GPC6: variants seen among roughly 807,000 people sequenced by gnomAD.
GPC6 encodes glypican 6, also known as glypican-6.
A neutral mutation model predicts 55.2 loss-of-function variants in GPC6; 14 were observed. The ratio of observed to expected loss-of-function variants is 0.25; its 90% CI spans 0.17 to 0.40. The LOEUF is 0.40. Ranked by LOEUF, GPC6 falls within the 10% of genes least tolerant of loss-of-function variation. GPC6 has a pLI of 1.00. For synonymous variants in GPC6, 278 were observed against 259.6 expected (o/e 1.07, Z -0.68); for missense variants, 641 against 708.5 (o/e 0.90, Z 1.08).
chr13:94,237,855 G>T (rs1240568094), intron 4 of GPC6, among the ~76,000 whole-genome samples: 1 of 152,146 alleles, frequency 6.6e-6, no homozygotes. Flanking sequence ...TTCTAAAATA[G>T]CAGTCTAGAT....
At chr13:94,043,026 G>A (rs754493726) in intron 4 of GPC6, among the ~76,000 whole-genome samples, 5 of 151,830 alleles carry the variant, frequency 3.3e-5, no homozygotes, top group Non-Finnish European at 7.4e-5. Context: ...AATTGTTCCA[G>A]GTTTGTACAT....
At chr13:94,129,841 G>A (rs1279899271) in intron 4 of GPC6, among the ~76,000 whole-genome samples, 2 of 152,020 alleles carry the variant, frequency 1.3e-5, no homozygotes, top group Non-Finnish European at 2.9e-5. Context: ...TTGACTCAAA[G>A]GCCACATAAG....
At chr13:93,282,023 A>G (rs1877968303) in intron 1 of GPC6, among the ~76,000 whole-genome samples, 2 of 152,208 alleles carry the variant, frequency 1.3e-5, no homozygotes, top group African/African-American at 4.8e-5. Context: ...ATTCTTTTAT[A>G]TGTGTACTGA....
chr13:93,797,157 G>T (rs775570990), intron 2 of GPC6, among the ~76,000 whole-genome samples: 54 of 99,730 alleles, frequency 5.4e-4, no homozygotes, highest in Non-Finnish European at 9.4e-4. Context: ...TCATTTAATA[G>T]AGAGGTAGAA....
chr13:94,112,679 T>C (rs1886292635), intron 4 of GPC6, among the ~76,000 whole-genome samples: 1 of 152,194 alleles, frequency 6.6e-6, no homozygotes, highest in Non-Finnish European at 1.5e-5. Context: ...TAAGCATCAG[T>C]GCTATCTTAA....
intron 4 of GPC6, among the ~76,000 whole-genome samples, chr13:94,208,664 G>T (rs1199870976): frequency 6.9e-6 from 1 of 144,102 alleles, no homozygotes. Flanking sequence ...GCTCCCACCT[G>T]TAATCCCAAC....
chr13:93,465,454 C>A (rs899483153), intron 1 of GPC6, among the ~76,000 whole-genome samples: 1 of 152,206 alleles, frequency 6.6e-6, no homozygotes, highest in African/African-American at 2.4e-5. Context: ...TGCTGCTTCA[C>A]CTTGCACTTT....
chr13:93,580,224 C>A (rs1305576062), intron 2 of GPC6, among the ~76,000 whole-genome samples: 3 of 152,144 alleles, frequency 2.0e-5, no homozygotes, highest in Non-Finnish European at 4.4e-5. Context: ...CAAAATAACT[C>A]TCTTGGGGTC....
intron 4 of GPC6, among the ~76,000 whole-genome samples, chr13:94,035,805 G>GAT (rs1424220334): frequency 1.3e-5 from 2 of 151,622 alleles, no homozygotes; most frequent in South Asian, 2.1e-4. Context: ...TGTGTGTGTG[G>GAT]ATATATATAT....
intron 1 of GPC6, among the ~76,000 whole-genome samples, chr13:93,473,832 C>T (rs9524080): frequency 0.33 from 50,763 of 151,970 alleles, 8,935 homozygotes; most frequent in East Asian, 0.61. Context: ...GACACAGGGC[C>T]GAATCCCAAG....
At chr13:93,300,914 G>A (rs963070348) in intron 1 of GPC6, among the ~76,000 whole-genome samples, 13 of 152,180 alleles carry the variant, frequency 8.5e-5, no homozygotes, top group African/African-American at 3.1e-4. Flanking sequence ...AGCTACTTGG[G>A]AGGCTGAGGT....
intron 2 of GPC6, among the ~76,000 whole-genome samples, chr13:93,744,322 C>G (rs528783194): frequency 2.0e-5 from 3 of 152,220 alleles, no homozygotes; most frequent in South Asian, 4.1e-4. Context: ...AAGCTCGTCT[C>G]TACCCATGAA....
intron 2 of GPC6, among the ~76,000 whole-genome samples, chr13:93,755,458 T>G (rs972698383): frequency 2.6e-5 from 4 of 152,168 alleles, no homozygotes; most frequent in African/African-American, 9.7e-5. Flanking sequence ...ATTTTAGAGC[T>G]CTGGAAAGGC....
chr13:93,425,815 A>G (rs757213583), intron 1 of GPC6, among the ~76,000 whole-genome samples: 1 of 152,160 alleles, frequency 6.6e-6, no homozygotes, highest in Non-Finnish European at 1.5e-5. Context: ...CCACTTTCAC[A>G]AAGCACATTA....
intron 1 of GPC6, among the ~76,000 whole-genome samples, chr13:93,507,241 A>C (rs1397211336): frequency 6.6e-6 from 1 of 152,128 alleles, no homozygotes; most frequent in Non-Finnish European, 1.5e-5. Flanking sequence ...CTTCGGCCGA[A>C]TTAATCAGAC....
intron 4 of GPC6, among the ~76,000 whole-genome samples, chr13:94,075,830 A>T (rs1422709721): frequency 6.6e-6 from 1 of 152,120 alleles, no homozygotes; most frequent in African/African-American, 2.4e-5. Context: ...TATTCCATTG[A>T]CTGTATATAC....
intron 1 of GPC6, among the ~76,000 whole-genome samples, chr13:93,462,903 G>C (rs149081435): frequency 1.3e-5 from 2 of 151,986 alleles, no homozygotes; most frequent in African/African-American, 4.8e-5. Flanking sequence ...CCTCTGCCCC[G>C]CTTCTGCTCT....
At chr13:94,119,822 T>C (rs1886562198) in intron 4 of GPC6, among the ~76,000 whole-genome samples, 1 of 152,066 alleles carries the variant, frequency 6.6e-6, no homozygotes, top group African/African-American at 2.4e-5. Flanking sequence ...GATTTGACTT[T>C]GATTTGTAGC....
intron 1 of GPC6, among the ~76,000 whole-genome samples, chr13:93,446,686 G>T (rs1003077807): frequency 2.0e-5 from 3 of 152,126 alleles, no homozygotes; most frequent in African/African-American, 7.2e-5. Context: ...TGAATTGTTC[G>T]ATTGAGGTAA....
Sources: allele counts gnomAD v4.1 joint callset (sites outside exome capture counted in the v4.1 genomes callset), GRCh38; gene constraint gnomAD v4.1.1; transcripts MANE v1.5; gene names NCBI Gene and HGNC (gene_info 2026-07-23, HGNC 2026-07-21).